Variants in ADAM28 observed in about 807,000 individuals in gnomAD.
ADAM28 encodes the protein disintegrin and metalloproteinase domain-containing protein 28.
ADAM28 carries 105 observed loss-of-function variants against 101.2 expected under a neutral mutation model. That is an observed-to-expected ratio of 1.04 (90% CI 0.89 to 1.22). The LOEUF is 1.22. ADAM28 is among the 50% of genes most tolerant of loss of function. ADAM28 has a pLI of 0.00. For synonymous variants in ADAM28, 322 were observed against 310.6 expected, an observed-to-expected ratio of 1.04 and a Z score of -0.39; for missense variants, 1,028 against 945.4, an observed-to-expected ratio of 1.09 and a Z score of -1.15.
intron 2 of ADAM28, among the ~76,000 whole-genome samples, chr8:24,305,276 ACAGT>A (rs1212544691): frequency 6.6e-6 from 1 of 151,990 alleles, no homozygotes; most frequent in Non-Finnish European, 1.5e-5. Flanking sequence ...TGCGTCAGTC[ACAGT>A]CAGTATTATA....
intron 6 of ADAM28, among the ~76,000 whole-genome samples, chr8:24,314,301 C>T (rs754258291): frequency 2.6e-5 from 4 of 152,106 alleles, no homozygotes; most frequent in African/African-American, 7.2e-5. Flanking sequence ...AGTGCTGTCA[C>T]AGGTGCTGGG....
Position 24,311,367 on chromosome 8 carries a change from T to C in ADAM28, c.313T>C (p.Cys105Arg). Residue 105 changes from cysteine (C) to arginine (R), a missense_variant, in exon 5 of 23, where the codon TGT becomes CGT. Physicochemically the swap from Cys to Arg is radical, Grantham distance 180. Coordinates refer to ENST00000265769, the MANE Select transcript of ADAM28 (RefSeq NM_014265.6). Reference sequence around the variant, plus strand: ...AAAACCCCTTTTCCTTTAGGATGATTGTTATTATCAAGGACATATTCTTAA... The same window carrying C: ...AAAACCCCTTTTCCTTTAGGATGATCGTTATTATCAAGGACATATTCTTAA... ...ITTSPQIMDD[C>R]YYQGHILNEK... is the part of the protein sequence containing the mutation. 1 of 1,612,464 alleles carries C rather than the reference T, an allele frequency of 6.2e-7. No homozygotes were observed. Among genetic ancestry groups the C allele is most frequent in the African/African-American group, 1.3e-5 (1 of 74,952 alleles).
At chr8:24,313,338 C>T in intron 5 of ADAM28, 50 bp from the exon 6 acceptor site, 1 of 1,524,364 alleles carries the variant, frequency 6.6e-7, no homozygotes, top group Non-Finnish European at 8.8e-7. Flanking sequence ...TCTGTATGAA[C>T]CTAATGCAAC....
intron 8 of ADAM28, 112 bp downstream of exon 8, chr8:24,321,401 A>G (rs1473883603): frequency 3.9e-5 from 35 of 893,526 alleles, no homozygotes; most frequent in South Asian, 7.9e-5. Flanking sequence ...TTTGAGACCA[A>G]TGTGGCTGAC....
chr8:24,294,244 T>C, intron 1 of ADAM28, 49 bp downstream of exon 1: 1 of 1,572,438 alleles, frequency 6.4e-7, no homozygotes, highest in Non-Finnish European at 8.8e-7. Context: ...TTAGCGAACT[T>C]TTCATAGTCT....
In ADAM28 at chr8:24,331,295, A is replaced by T. The variant is rs374476239; in HGVS notation, c.1249A>T (p.Met417Leu). ...AATTTGTGGGAACCAGTTGGTGGAA[A>T]TGGGAGAGGACTGTGATTGTGGGAC... is the stretch of plus-strand genomic sequence containing the variant. Reference protein sequence around the residue: ...TPICGNQLVEMGEDCDCGTSE... With the variant: ...TPICGNQLVELGEDCDCGTSE... The change falls in exon 12 of 23, where the codon ATG becomes TTG. Residue 417 changes from methionine (M) to leucine (L), a missense_variant. Met to Leu is a conservative substitution (Grantham distance 15, BLOSUM62 2). Transcript: ENST00000265769. 6 of 1,612,034 alleles carry T rather than the reference A, an allele frequency of 3.7e-6. No homozygotes were observed. The Admixed American group carries it at 5.0e-5, about 13-fold the overall frequency.
At chr8:24,330,581 T>C (rs1172643460) in intron 11 of ADAM28, among the ~76,000 whole-genome samples, 1 of 152,188 alleles carries the variant, frequency 6.6e-6, no homozygotes, top group Non-Finnish European at 1.5e-5. Context: ...AATATTCATG[T>C]CCTCTTTTCT....
intron 2 of ADAM28, among the ~76,000 whole-genome samples, chr8:24,306,694 C>CA (rs1164133557): frequency 6.6e-6 from 1 of 151,832 alleles, no homozygotes; most frequent in Non-Finnish European, 1.5e-5. Context: ...TATGTATAAA[C>CA]AAAAAAATAT....
At chr8:24,328,072 G>C (rs969231560) in intron 10 of ADAM28, among the ~76,000 whole-genome samples, 2 of 151,658 alleles carry the variant, frequency 1.3e-5, no homozygotes, top group Non-Finnish European at 2.9e-5. Flanking sequence ...AGTTAAAAAA[G>C]TTTTATATTT....
At chr8:24,302,244 T>C (rs1808876902) in intron 2 of ADAM28, among the ~76,000 whole-genome samples, 1 of 152,196 alleles carries the variant, frequency 6.6e-6, no homozygotes. Context: ...TCCAGCTCCA[T>C]CCATGTGCCT....
intron 2 of ADAM28, among the ~76,000 whole-genome samples, chr8:24,304,297 T>C (rs2129244668): frequency 6.6e-6 from 1 of 151,168 alleles, no homozygotes; most frequent in East Asian, 1.9e-4. Context: ...TGATATTTAC[T>C]GCAGTTATAT....
chr8:24,353,914 A>G (rs1042088626), intron 22 of ADAM28, 82 bp downstream of exon 22: 4 of 984,728 alleles, frequency 4.1e-6, no homozygotes, highest in Non-Finnish European at 6.1e-6. Context: ...GTCTTTTTAG[A>G]AAAAAACTTA....
rs562129339 is a variant in ADAM28, at chr8:24,350,178, T to C, written c.2099+206T>C. Reference sequence around the variant, plus strand: ...TCTAGAAATGTTTTTTGTTTTTCCTTCTGTTAGTCACCGTAGTTATAATAA... The same window carrying C: ...TCTAGAAATGTTTTTTGTTTTTCCTCCTGTTAGTCACCGTAGTTATAATAA... On this transcript the variant is annotated intron_variant, in intron 19 of 22. Transcript: ENST00000265769. Among the ~76,000 whole-genome samples, 32 of 152,314 alleles carry C rather than the reference T, an allele frequency of 2.1e-4. 2 individuals carry two copies. In the South Asian group the frequency reaches 6.6e-3, roughly 32 times the overall value.
chr8:24,331,615 G>T (rs1403664443), intron 12 of ADAM28, among the ~76,000 whole-genome samples: 1 of 151,990 alleles, frequency 6.6e-6, no homozygotes, highest in African/African-American at 2.4e-5. Context: ...TGAAATACTT[G>T]AAGCTCCTTA....
At chr8:24,313,238 TGTAA>T (rs970878704) in intron 5 of ADAM28, 146 bp from the exon 6 acceptor site, 35 of 657,118 alleles carry the variant, frequency 5.3e-5, no homozygotes, top group Middle Eastern at 4.2e-4. Flanking sequence ...TATCTTCAGC[TGTAA>T]GTTTTACTGT....
At chr8:24,321,170 A>G (rs1186103203) in intron 7 of ADAM28, 48 bp from the exon 8 acceptor site, 1 of 1,175,404 alleles carries the variant, frequency 8.5e-7, no homozygotes, top group Non-Finnish European at 1.3e-6. Flanking sequence ...CCTTCCAAGT[A>G]TATTCATTTT....
At chr8:24,349,394 A>C (rs1244306623) in intron 18 of ADAM28, among the ~76,000 whole-genome samples, 1 of 152,196 alleles carries the variant, frequency 6.6e-6, no homozygotes, top group Admixed American at 6.5e-5. Context: ...GTGTAGACCA[A>C]CATCAGTGGA....
At chr8:24,332,495 G>A (rs1038660942) in intron 12 of ADAM28, among the ~76,000 whole-genome samples, 165 bp from the exon 13 acceptor site, 1 of 152,110 alleles carries the variant, frequency 6.6e-6, no homozygotes, top group African/African-American at 2.4e-5. Context: ...ACCATCAGTT[G>A]CTCCAAAATT....
Position 24,352,753 on chromosome 8 carries a change from G to T in ADAM28, c.2244+701G>T, listed in dbSNP as rs183723398. On this transcript the variant is annotated intron_variant, in intron 21 of 22. Transcript: ENST00000265769. The stretch of plus-strand genomic sequence containing the variant: ...ACTCATATTTTACAATATTCTCATG[G>T]GTGGGGTCATGGCTTCTCCATTTCT... Among the ~76,000 whole-genome samples the T allele has an allele frequency of 5.1e-4, 77 of 152,114 alleles. 3 individuals carry two copies. Among genetic ancestry groups the T allele is most frequent in the Admixed American group, 4.9e-3 (75 of 15,250 alleles).
Sources: gnomAD v4.1 joint callset for allele counts (sites outside exome capture counted in the v4.1 genomes callset) on GRCh38, gnomAD v4.1.1 for gene constraint, MANE v1.5 for transcripts, NCBI Gene and HGNC (gene_info 2026-07-23, HGNC 2026-07-21) for gene names.